Variants in PIGB observed in about 807,000 individuals in gnomAD.
The protein encoded by PIGB is GPI alpha-1,2-mannosyltransferase 3.
In PIGB, 58 loss-of-function variants were observed where a neutral mutation model predicts 68.4. The observed-to-expected ratio is 0.85, with a 90% CI of 0.69 to 1.06. The LOEUF (loss-of-function observed/expected upper bound fraction) is 1.06. Ranked by LOEUF, PIGB falls within the 50% of genes least tolerant of loss-of-function variation. PIGB has a pLI of 0.00. For missense variants in PIGB, 634 were observed against 655.8 expected (o/e 0.97, Z 0.36); for synonymous variants, 219 against 220.5 (o/e 0.99, Z 0.06).
chr15:55,329,917 A>C (rs1340996943), intron 5 of PIGB, 63 bp downstream of exon 5: 13 of 1,246,656 alleles, frequency 1.0e-5, no homozygotes, highest in Admixed American at 6.0e-5. Context: ...CTTAAATATC[A>C]ACATATTGTA....
intron 3 of PIGB, among the ~76,000 whole-genome samples, chr15:55,325,923 A>T (rs2055272728): frequency 6.6e-6 from 1 of 151,508 alleles, no homozygotes; most frequent in African/African-American, 2.4e-5. Context: ...CTCGCTGGGC[A>T]CGGTTGCTCA....
chr15:55,333,797 T>G (rs2055475718), intron 5 of PIGB, 70 bp from the exon 6 acceptor site: 2 of 1,121,908 alleles, frequency 1.8e-6, no homozygotes, highest in Non-Finnish European at 1.2e-6. Context: ...AAATGTCAAA[T>G]CACAGTGTAA....
In PIGB at chr15:55,340,611, G is replaced by T; in HGVS notation, c.847-1G>T. ...ATTTATTTTTCCTTCAACGGTGCCA[G>T]TGGACTCTGGTTCAATTTAATTTTT... On this transcript the variant is annotated splice_acceptor_variant, in intron 7 of 11. Transcript: ENST00000164305. LOFTEE classifies it high-confidence loss of function. The T allele has an allele frequency of 6.2e-7, 1 of 1,604,288 alleles. No homozygotes were observed. Among genetic ancestry groups the T allele is most frequent in the East Asian group, 2.2e-5 (1 of 44,706 alleles).
At chr15:55,335,169 T>G (rs1040996992) in intron 6 of PIGB, among the ~76,000 whole-genome samples, 3 of 152,358 alleles carry the variant, frequency 2.0e-5, no homozygotes, top group African/African-American at 7.2e-5. Flanking sequence ...CCATCTAGGC[T>G]TGTGTAAGTG....
chr15:55,355,051 T>C (rs1020859314), intron 11 of PIGB, 73 bp downstream of exon 11: 35 of 1,232,788 alleles, frequency 2.8e-5, no homozygotes, highest in Non-Finnish European at 3.2e-5. Context: ...CTCAGGTAAA[T>C]AGATAATATA....
At chr15:55,353,745 C>T (rs1213146469) in intron 10 of PIGB, among the ~76,000 whole-genome samples, 1 of 152,088 alleles carries the variant, frequency 6.6e-6, no homozygotes, top group Non-Finnish European at 1.5e-5. Context: ...GCTGGAACTA[C>T]AGGCACATAC....
chr15:55,354,630 T>C, intron 10 of PIGB, 168 bp from the exon 11 acceptor site: 1 of 596,524 alleles, frequency 1.7e-6, no homozygotes, highest in Non-Finnish European at 2.8e-6. Context: ...AGAATCATGT[T>C]TTTTTTATCT....
chr15:55,324,814 C>T (rs756897010), intron 3 of PIGB: 151 of 984,746 alleles, frequency 1.5e-4, no homozygotes, highest in Non-Finnish European at 1.8e-4. Flanking sequence ...CTTATAGCTC[C>T]CTATGCAGAG....
chr15:55,355,155 TTCCTATAAG>T, intron 11 of PIGB, 122 bp from the exon 12 acceptor site: 1 of 887,078 alleles, frequency 1.1e-6, no homozygotes, highest in Non-Finnish European at 1.7e-6. Context: ...AGTATTTTAC[TTCCTATAAG>T]TTAATTCTTT....
intron 11 of PIGB, 89 bp downstream of exon 11, chr15:55,355,067 T>C (rs2056044688): frequency 4.4e-6 from 5 of 1,134,432 alleles, no homozygotes; most frequent in Admixed American, 5.1e-5. Context: ...ATATAACCTT[T>C]TTATGGTCTG....
rs868641670 is a variant in PIGB at position 55,334,030 on chromosome 15, C to G, written c.794+23C>G. On this transcript the variant is annotated intron_variant, in intron 6 of 11. Coordinates refer to ENST00000164305, the MANE Select transcript of PIGB (RefSeq NM_004855.5). ...AGGGTAAGTGTGGCAATAATCCATC[C>G]ATTTATTTTAGTAGCCTACAAATCA... 4 of 1,514,246 alleles carry G rather than the reference C, an allele frequency of 2.6e-6. No homozygotes were observed. The African/African-American group carries it at 5.6e-5, about 21-fold the overall frequency. The allele number at this position is 1,514,246 out of a possible 1,614,324, so 93.8% of individuals were successfully genotyped here. A position where few individuals can be genotyped will look rare whatever the true frequency, so the allele number is the denominator to read the frequency against.
intron 11 of PIGB, 62 bp downstream of exon 11, chr15:55,355,040 C>A: frequency 7.4e-7 from 1 of 1,351,004 alleles, no homozygotes; most frequent in South Asian, 1.3e-5. Context: ...TTTAGGAAAC[C>A]CTCAGGTAAA....
chr15:55,343,969 CT>C (rs1301330193), intron 9 of PIGB, among the ~76,000 whole-genome samples: 2 of 152,148 alleles, frequency 1.3e-5, no homozygotes, highest in African/African-American at 4.8e-5. Flanking sequence ...GAACAGTTCT[CT>C]TTGGAGCTCT....
intron 9 of PIGB, among the ~76,000 whole-genome samples, chr15:55,344,056 T>C (rs1187346444): frequency 6.6e-6 from 1 of 152,266 alleles, no homozygotes; most frequent in Non-Finnish European, 1.5e-5. Flanking sequence ...TTCAGCCTTA[T>C]TCTGCTTTGT....
chr15:55,355,205 G>A (rs2056049900), intron 11 of PIGB, 81 bp from the exon 12 acceptor site: 1 of 1,143,600 alleles, frequency 8.7e-7, no homozygotes, highest in Non-Finnish European at 1.3e-6. Context: ...ACAGCAATTA[G>A]AATAGGCAAT....
Position 55,341,733 on chromosome 15 carries a change from T to G in PIGB, c.1059-5T>G. 1 of 1,342,376 alleles carries G rather than the reference T, an allele frequency of 7.4e-7. No homozygotes were observed. The allele number at this position is 1,342,376 out of a possible 1,614,324, so 83.2% of individuals were successfully genotyped here. A position where few individuals can be genotyped will look rare whatever the true frequency, so the allele number is the denominator to read the frequency against. ...ATTTTTTAATAATATTTGTTTTTAT[T>G]ACAGCATGTTGAGCCACAAAGAATT... is the stretch of plus-strand genomic sequence containing the variant. On this transcript the variant is annotated splice_polypyrimidine_tract_variant and splice_region_variant and intron_variant, in intron 8 of 11. Transcript: ENST00000164305.
Position 55,341,680 on chromosome 15 carries a change from CA to C in PIGB, c.1059-56del, listed in dbSNP as rs527336094. ...TTTTATATTAAATATATTACTTTCTCAATCTATCATATAACATGATAATTAA... is the reference window on the plus strand; with the variant it reads ...TTTTATATTAAATATATTACTTTCTCATCTATCATATAACATGATAATTAA... On this transcript the variant is annotated intron_variant, in intron 8 of 11. Coordinates refer to ENST00000164305, the MANE Select transcript of PIGB (RefSeq NM_004855.5). 986 of 603,600 alleles carry C rather than the reference CA, an allele frequency of 1.6e-3. 1 individual carries two copies. Among genetic ancestry groups the C allele is most frequent in the Non-Finnish European group, 2.3e-3 (874 of 378,694 alleles). The allele number at this position is 603,600 out of a possible 1,614,324, so 37.4% of individuals were successfully genotyped here. A position where few individuals can be genotyped will look rare whatever the true frequency, so the allele number is the denominator to read the frequency against.
At chr15:55,340,204 C>T (rs1020785897) in intron 7 of PIGB, 1 of 154,172 alleles carries the variant, frequency 6.5e-6, no homozygotes, top group South Asian at 2.0e-4. Flanking sequence ...CACCTATAAT[C>T]GCAGCACTTT....
intron 4 of PIGB, 25 bp from the exon 5 acceptor site, chr15:55,329,699 A>G (rs776749148): frequency 6.3e-7 from 1 of 1,583,294 alleles, no homozygotes; most frequent in Admixed American, 1.9e-5. Flanking sequence ...AATTTCATAT[A>G]TGTTTGCTCT....
Sources: gnomAD v4.1 joint callset for allele counts (sites outside exome capture counted in the v4.1 genomes callset) on GRCh38, gnomAD v4.1.1 for gene constraint, MANE v1.5 for transcripts, NCBI Gene and HGNC (gene_info 2026-07-23, HGNC 2026-07-21) for gene names.